The following SPAG9 variants were observed in gnomAD, a reference collection of about 807,000 sequenced individuals.
SPAG9 encodes the protein C-Jun-amino-terminal kinase-interacting protein 4.
In SPAG9, 35 loss-of-function variants were observed where a neutral mutation model predicts 166.5. The ratio of observed to expected loss-of-function variants is 0.21; its 90% confidence interval spans 0.16 to 0.28. The LOEUF is 0.28. Ranked by LOEUF, SPAG9 falls within the 10% of genes least tolerant of loss-of-function variation. The pLI, the probability that SPAG9 is intolerant of heterozygous loss-of-function variation, is 1.00. For synonymous variants in SPAG9, 534 were observed against 565.5 expected (o/e 0.94, Z 0.79); for missense variants, 1,235 against 1,603.3 (o/e 0.77, Z 3.92).
chr17:51,086,273 C>T (rs1015303223), intron 1 of SPAG9, among the ~76,000 whole-genome samples: 2 of 151,902 alleles, frequency 1.3e-5, no homozygotes, highest in African/African-American at 4.8e-5. Flanking sequence ...AGCCACCACA[C>T]CCGGCTGAAA....
intron 25 of SPAG9, 86 bp downstream of exon 25, chr17:50,982,438 C>A (rs1287149183): frequency 8.7e-6 from 11 of 1,270,484 alleles, no homozygotes; most frequent in African/African-American, 1.5e-5. Context: ...GAAACAATTT[C>A]TAAAGAAGCT....
chr17:51,017,689 G>A (rs903012388), intron 8 of SPAG9, among the ~76,000 whole-genome samples: 9 of 152,100 alleles, frequency 5.9e-5, no homozygotes, highest in African/African-American at 2.2e-4. Flanking sequence ...TTGTAATTAG[G>A]ATCAAATTAT....
At chr17:50,974,615 G>C (rs1451208314) in intron 28 of SPAG9, among the ~76,000 whole-genome samples, 156 bp downstream of exon 28, 1 of 152,152 alleles carries the variant, frequency 6.6e-6, no homozygotes, top group Non-Finnish European at 1.5e-5. Flanking sequence ...TATCCCTATA[G>C]CACCTTAGTC....
At chr17:51,097,004 C>T (rs1487660501) in intron 1 of SPAG9, among the ~76,000 whole-genome samples, 1 of 152,262 alleles carries the variant, frequency 6.6e-6, no homozygotes, top group East Asian at 1.9e-4. Context: ...AGGGTTAGGA[C>T]TTTCAGCCCA....
chr17:51,014,305 T>C lies in SPAG9; in HGVS notation c.1140A>G (p.Glu380=), dbSNP rs759558486. The C allele has an allele frequency of 7.1e-5, 115 of 1,613,490 alleles. No individual in the cohort carries two copies. The highest frequency in any genetic ancestry group is 9.7e-5 in the Non-Finnish European group (114 of 1,179,652). Residue 380 remains glutamate (E), a synonymous_variant, in exon 9 of 30, where the codon GAA becomes GAG. Transcript: ENST00000262013. The stretch of plus-strand genomic sequence containing the variant: ...CTGAAGACAGTTCTTCAAAGAGAGA[T>C]TCTGTATTGCGATCAAAAGCTTTGT... ...IENKAFDRNT[E]SLFEELSSAG...
chr17:51,016,833 A>G (rs1224721152), intron 8 of SPAG9, among the ~76,000 whole-genome samples: 1 of 152,030 alleles, frequency 6.6e-6, no homozygotes, highest in Non-Finnish European at 1.5e-5. Context: ...CCTGAGAGGC[A>G]GAGGTTGCAG....
At chr17:51,005,575 G>A (rs1351428756) in intron 11 of SPAG9, among the ~76,000 whole-genome samples, 1 of 152,248 alleles carries the variant, frequency 6.6e-6, no homozygotes, top group Non-Finnish European at 1.5e-5. Context: ...TTTAGGCCGG[G>A]TGCAGTGGCT....
intron 1 of SPAG9, among the ~76,000 whole-genome samples, chr17:51,116,503 T>G (rs555856414): frequency 1.3e-5 from 2 of 152,284 alleles, no homozygotes; most frequent in South Asian, 4.1e-4. Context: ...GGCTCACCCC[T>G]GTAAGTCCCA....
chr17:51,031,992 A>G, intron 5 of SPAG9: 14 of 552,844 alleles, frequency 2.5e-5, no homozygotes, highest in South Asian at 2.2e-4. Flanking sequence ...TTTTTTTTCT[A>G]CTTACACCAC....
At chr17:51,036,648 A>G (rs2144344214) in intron 5 of SPAG9, among the ~76,000 whole-genome samples, 1 of 152,136 alleles carries the variant, frequency 6.6e-6, no homozygotes, top group South Asian at 2.1e-4. Context: ...CATCCTGTTT[A>G]GGGTCTTGTA....
chr17:50,970,016 G>A (rs1973658957), intron 29 of SPAG9, among the ~76,000 whole-genome samples: 1 of 152,146 alleles, frequency 6.6e-6, no homozygotes, highest in Admixed American at 6.5e-5. Context: ...CTCAATTAAT[G>A]TTTGTTAGGT....
intron 28 of SPAG9, among the ~76,000 whole-genome samples, chr17:50,971,458 C>CT (rs1567948542): frequency 7.1e-6 from 1 of 140,516 alleles, no homozygotes; most frequent in East Asian, 2.0e-4. Flanking sequence ...CTTCAAACTA[C>CT]CTTTTTTTTT....
At chr17:51,098,964 G>T (rs1055135455) in intron 1 of SPAG9, among the ~76,000 whole-genome samples, 6 of 152,000 alleles carry the variant, frequency 3.9e-5, no homozygotes, top group African/African-American at 1.4e-4. Context: ...GCCGAGTGTG[G>T]CGGCGCTTGC....
chr17:51,014,135 T>G (rs1597993932), intron 9 of SPAG9, 97 bp downstream of exon 9: 1 of 1,044,870 alleles, frequency 9.6e-7, no homozygotes, highest in East Asian at 2.6e-5. Context: ...CCTGTATCAC[T>G]GAGCAGTTGG....
intron 1 of SPAG9, among the ~76,000 whole-genome samples, chr17:51,102,524 T>C (rs1015096383): frequency 6.6e-6 from 1 of 151,642 alleles, no homozygotes; most frequent in Non-Finnish European, 1.5e-5. Flanking sequence ...TTTTTTGAGG[T>C]GGAGTCTCGC....
At chr17:50,994,366 T>C (rs1171091466) in intron 18 of SPAG9, among the ~76,000 whole-genome samples, 1 of 152,224 alleles carries the variant, frequency 6.6e-6, no homozygotes, top group African/African-American at 2.4e-5. Flanking sequence ...CAATTAAACC[T>C]CTTTTTTCCT....
intron 3 of SPAG9, among the ~76,000 whole-genome samples, 181 bp downstream of exon 3, chr17:51,056,231 A>C (rs1029519929): frequency 4.6e-5 from 7 of 152,212 alleles, no homozygotes; most frequent in African/African-American, 1.2e-4. Flanking sequence ...TAATTCCAAG[A>C]AAAGTTGACA....
At chr17:51,017,908 G>T (rs944054348) in intron 8 of SPAG9, among the ~76,000 whole-genome samples, 1 of 151,970 alleles carries the variant, frequency 6.6e-6, no homozygotes. Flanking sequence ...GCTTTTAACC[G>T]CTACAGAGTA....
At chr17:51,116,330 G>A (rs900296692) in intron 1 of SPAG9, among the ~76,000 whole-genome samples, 7 of 152,178 alleles carry the variant, frequency 4.6e-5, no homozygotes, top group African/African-American at 1.4e-4. Context: ...ATAGATGTGA[G>A]CCACCACACC....
Sources: allele counts gnomAD v4.1 joint callset (sites outside exome capture counted in the v4.1 genomes callset), GRCh38; gene constraint gnomAD v4.1.1; transcripts MANE v1.5; gene names NCBI Gene and HGNC (gene_info 2026-07-23, HGNC 2026-07-21).